The following HPSE2 variants were observed in gnomAD, a reference collection of about 807,000 sequenced individuals.
HPSE2 encodes inactive heparanase-2.
HPSE2 carries 38 observed loss-of-function variants against 60.5 expected under a neutral mutation model. The ratio of observed to expected loss-of-function variants is 0.63; its 90% CI spans 0.48 to 0.82. The LOEUF is 0.82. Among genes scored for constraint, HPSE2 ranks in the 40% least tolerant of loss-of-function variants. The probability of loss-of-function intolerance (pLI) is 0.00; values close to 1 mark genes in which losing one functional copy is unlikely to be tolerated. For synonymous variants in HPSE2, 295 were observed against 293.2 expected (o/e 1.01, Z -0.06); for missense variants, 713 against 740.4 (o/e 0.96, Z 0.43).
chr10:99,028,036 C>G (rs932959615), intron 3 of HPSE2, among the ~76,000 whole-genome samples: 1 of 152,258 alleles, frequency 6.6e-6, no homozygotes, highest in Admixed American at 6.5e-5. Flanking sequence ...AGACCCACAG[C>G]TAGTATCATA....
chr10:98,770,193 T>C (rs760767259), intron 3 of HPSE2, among the ~76,000 whole-genome samples: 9 of 152,164 alleles, frequency 5.9e-5, no homozygotes, highest in Non-Finnish European at 1.3e-4. Flanking sequence ...TGTTTTCACA[T>C]TGAAAGAAAG....
At chr10:99,274,303 C>T in the HPSE2 span, among the ~76,000 whole-genome samples, 1 of 152,116 alleles carries the variant, frequency 6.6e-6, no homozygotes, top group Non-Finnish European at 1.5e-5. Context: ...GCAAAGGATC[C>T]TACCACTGTG....
chr10:98,605,452 A>C (rs1252272773), intron 9 of HPSE2, among the ~76,000 whole-genome samples: 4 of 152,370 alleles, frequency 2.6e-5, no homozygotes, highest in African/African-American at 9.6e-5. Context: ...GATATTAAAA[A>C]GAATTATCAG....
At chr10:98,995,274 C>A (rs1053374700) in intron 3 of HPSE2, among the ~76,000 whole-genome samples, 2 of 152,206 alleles carry the variant, frequency 1.3e-5, no homozygotes, top group Non-Finnish European at 2.9e-5. Context: ...TATTTACCAT[C>A]TTTAAGCCTT....
chr10:99,284,247 T>C, the HPSE2 span, among the ~76,000 whole-genome samples: 1 of 152,202 alleles, frequency 6.6e-6, no homozygotes, highest in Non-Finnish European at 1.5e-5. Flanking sequence ...TTAATCAATG[T>C]AATATGCCAT....
At chr10:98,498,965 A>C (rs1005707575) in intron 9 of HPSE2, among the ~76,000 whole-genome samples, 4 of 152,214 alleles carry the variant, frequency 2.6e-5, no homozygotes, top group South Asian at 2.1e-4. Context: ...AAAAATAATA[A>C]GAAAACATGA....
intron 3 of HPSE2, among the ~76,000 whole-genome samples, chr10:98,798,470 A>G (rs1950830519): frequency 6.6e-6 from 1 of 152,234 alleles, no homozygotes; most frequent in African/African-American, 2.4e-5. Flanking sequence ...AACTATTCTT[A>G]AGTAGGAAGA....
intron 3 of HPSE2, among the ~76,000 whole-genome samples, chr10:98,750,715 T>C (rs929662829): frequency 2.6e-5 from 4 of 152,044 alleles, no homozygotes; most frequent in Non-Finnish European, 5.9e-5. Context: ...ATAAACTTGA[T>C]ATTTATGAAG....
intron 2 of HPSE2, among the ~76,000 whole-genome samples, chr10:99,208,992 A>C (rs117999327): frequency 2.1e-3 from 315 of 152,342 alleles, no homozygotes; most frequent in Admixed American, 8.0e-3. Context: ...GCAGCACCTA[A>C]ATATATAAAG....
At chr10:98,731,711 G>A (rs1055308676) in intron 4 of HPSE2, among the ~76,000 whole-genome samples, 1 of 152,168 alleles carries the variant, frequency 6.6e-6, no homozygotes, top group African/African-American at 2.4e-5. Flanking sequence ...TAAGACTAAG[G>A]AGAAGACAAG....
chr10:99,256,513 T>C, the HPSE2 span, among the ~76,000 whole-genome samples: 1 of 149,798 alleles, frequency 6.7e-6, no homozygotes, highest in Admixed American at 6.7e-5. Flanking sequence ...TGATATTCCG[T>C]TAGCACAAAA....
At chr10:99,101,611 A>G (rs1396672336) in intron 3 of HPSE2, among the ~76,000 whole-genome samples, 2 of 152,210 alleles carry the variant, frequency 1.3e-5, no homozygotes, top group Non-Finnish European at 2.9e-5. Flanking sequence ...CAGGAATTGA[A>G]CTCAACTCTG....
rs930632727 is a variant in HPSE2, at chr10:99,232,521, A to T, written c.291-16T>A. 12 of 1,550,666 alleles carry T rather than the reference A, an allele frequency of 7.7e-6. No individual in the cohort carries two copies. The highest frequency in any genetic ancestry group is 9.6e-6 in the Non-Finnish European group (11 of 1,147,402). On this transcript the variant is annotated splice_polypyrimidine_tract_variant and intron_variant, in intron 1 of 11. Coordinates refer to ENST00000370552, the MANE Select transcript of HPSE2 (RefSeq NM_021828.5). ...GCGCTTGGAGCTGCAGAGGAAGAGA[A>T]TAAGAGAGGAAAGGTTCCCAGGACA...
At chr10:99,082,134 T>A (rs761459998) in intron 3 of HPSE2, among the ~76,000 whole-genome samples, 3 of 152,070 alleles carry the variant, frequency 2.0e-5, no homozygotes, top group Non-Finnish European at 4.4e-5. Context: ...CACGAATTTA[T>A]AAAGGGGCAG....
At chr10:98,514,711 GTTTTTTTTTTTTTTT>G (rs35977879) in intron 9 of HPSE2, among the ~76,000 whole-genome samples, 1 of 67,726 alleles carries the variant, frequency 1.5e-5, no homozygotes, top group Non-Finnish European at 2.9e-5. Context: ...TATATACTTT[GTTTTTTTTTTTTTTT>G]TTTTTTTTTT....
intron 11 of HPSE2, among the ~76,000 whole-genome samples, chr10:98,462,331 A>C (rs58443736): frequency 0.03 from 4,601 of 152,146 alleles, 243 homozygotes; most frequent in African/African-American, 0.1. Context: ...GGCATGTGCC[A>C]CCACACCTGG....
At chr10:99,270,568 G>A in the HPSE2 span, among the ~76,000 whole-genome samples, 2 of 152,134 alleles carry the variant, frequency 1.3e-5, no homozygotes, top group Non-Finnish European at 2.9e-5. Context: ...ATTCAAAGAA[G>A]AATTTGTACC....
chr10:98,829,913 G>A (rs1051764082), intron 3 of HPSE2, among the ~76,000 whole-genome samples: 14 of 151,922 alleles, frequency 9.2e-5, no homozygotes, highest in Non-Finnish European at 1.0e-4. Flanking sequence ...TGCAGAATGT[G>A]CAGCTGTGTT....
chr10:99,313,736 A>G, the HPSE2 span, among the ~76,000 whole-genome samples: 1 of 151,164 alleles, frequency 6.6e-6, no homozygotes, highest in Non-Finnish European at 1.5e-5. Context: ...AGTAGCTGGG[A>G]CTACAGGTGA....
Sources: allele counts gnomAD v4.1 joint callset (sites outside exome capture counted in the v4.1 genomes callset), GRCh38; gene constraint gnomAD v4.1.1; transcripts MANE v1.5; gene names NCBI Gene and HGNC (gene_info 2026-07-23, HGNC 2026-07-21).